CNTN4: variants seen among roughly 807,000 people sequenced by gnomAD.
CNTN4 encodes contactin-4.
CNTN4 carries 77 observed loss-of-function variants against 122.5 expected under a neutral mutation model. That is an observed-to-expected ratio of 0.63 (90% CI 0.52 to 0.76). CNTN4 has a LOEUF of 0.76. Among genes scored for constraint, CNTN4 ranks in the 30% least tolerant of loss-of-function variants. CNTN4 has a pLI of 0.00. For synonymous variants in CNTN4, 512 were observed against 447.0 expected, an observed-to-expected ratio of 1.15 and a Z score of -1.83; for missense variants, 1,256 against 1,259.1, an observed-to-expected ratio of 1.00 and a Z score of 0.04.
At chr3:2,315,429 T>C (rs866021268) in intron 2 of CNTN4, among the ~76,000 whole-genome samples, 19 of 152,170 alleles carry the variant, frequency 1.2e-4, no homozygotes, top group Middle Eastern at 6.8e-3. Flanking sequence ...AGGCACTTGG[T>C]AGGCGAAAAC....
chr3:2,675,609 T>C (rs2084800304), intron 4 of CNTN4, among the ~76,000 whole-genome samples: 1 of 152,198 alleles, frequency 6.6e-6, no homozygotes, highest in Non-Finnish European at 1.5e-5. Context: ...CCACTGTGTG[T>C]CCAGCTCTTA....
intron 2 of CNTN4, among the ~76,000 whole-genome samples, chr3:2,284,781 C>T (rs2041843670): frequency 6.6e-6 from 1 of 151,260 alleles, no homozygotes; most frequent in Non-Finnish European, 1.5e-5. Context: ...GGTGAGTAGA[C>T]TAAGAGTCAT....
intron 13 of CNTN4, among the ~76,000 whole-genome samples, chr3:2,974,178 G>T (rs1289903533): frequency 6.6e-6 from 1 of 152,096 alleles, no homozygotes; most frequent in East Asian, 1.9e-4. Flanking sequence ...TACCTAGCTG[G>T]AATATAATAC....
At chr3:2,466,924 C>A (rs2075516818) in intron 3 of CNTN4, among the ~76,000 whole-genome samples, 1 of 149,448 alleles carries the variant, frequency 6.7e-6, no homozygotes, top group South Asian at 2.1e-4. Flanking sequence ...CCTTAATCTT[C>A]ATTTCTTCGT....
At chr3:2,277,622 T>C (rs1411129722) in intron 2 of CNTN4, among the ~76,000 whole-genome samples, 1 of 152,228 alleles carries the variant, frequency 6.6e-6, no homozygotes, top group East Asian at 1.9e-4. Context: ...AACACATATA[T>C]GCATAACTAT....
At chr3:2,807,337 C>T (rs1356038165) in intron 6 of CNTN4, among the ~76,000 whole-genome samples, 1 of 151,988 alleles carries the variant, frequency 6.6e-6, no homozygotes, top group Non-Finnish European at 1.5e-5. Flanking sequence ...ACGTAGCTTG[C>T]GTGTATATTT....
chr3:3,016,316 C>T (rs1432073837), intron 14 of CNTN4, among the ~76,000 whole-genome samples: 1 of 152,086 alleles, frequency 6.6e-6, no homozygotes, highest in African/African-American at 2.4e-5. Context: ...CATATACCCC[C>T]CTTCCCTCTT....
At chr3:2,565,059 C>T (rs912725479) in intron 3 of CNTN4, among the ~76,000 whole-genome samples, 16 of 152,162 alleles carry the variant, frequency 1.1e-4, no homozygotes, top group South Asian at 1.0e-3. Flanking sequence ...TCCATCATTC[C>T]TCAAGGTCCT....
intron 4 of CNTN4, among the ~76,000 whole-genome samples, chr3:2,591,352 C>CTTT (rs71058629): frequency 0.012 from 419 of 36,382 alleles, 124 homozygotes; most frequent in African/African-American, 0.034. Flanking sequence ...AGATTTGTGA[C>CTTT]TTTTTTTTTT....
chr3:2,252,484 C>G (rs554781408), intron 2 of CNTN4, among the ~76,000 whole-genome samples: 1 of 151,994 alleles, frequency 6.6e-6, no homozygotes, highest in Non-Finnish European at 1.5e-5. Flanking sequence ...TTTTGCACTT[C>G]CATTGACTAT....
intron 7 of CNTN4, among the ~76,000 whole-genome samples, chr3:2,838,212 C>T (rs779313622): frequency 2.3e-4 from 35 of 152,194 alleles, no homozygotes; most frequent in East Asian, 5.8e-4. Context: ...AGCTTTCGTG[C>T]GGCTATACTG....
At chr3:3,029,808 TGTGA>T (rs1417972301) in intron 15 of CNTN4, among the ~76,000 whole-genome samples, 2 of 152,158 alleles carry the variant, frequency 1.3e-5, no homozygotes, top group African/African-American at 4.8e-5. Flanking sequence ...TCAGAGGACA[TGTGA>T]GTATTTAGTG....
chr3:2,423,950 GTTTTT>G (rs1559539765), intron 3 of CNTN4, among the ~76,000 whole-genome samples: 4 of 38,518 alleles, frequency 1.0e-4, no homozygotes, highest in Non-Finnish European at 1.4e-4. Context: ...GAGGGAGGGG[GTTTTT>G]TTTGATTAGG....
chr3:2,790,483 C>G (rs1176292824), intron 6 of CNTN4, among the ~76,000 whole-genome samples: 1 of 152,182 alleles, frequency 6.6e-6, no homozygotes, highest in Non-Finnish European at 1.5e-5. Flanking sequence ...CAGTCAAGCA[C>G]AGCAAAGTAA....
At chr3:2,760,754 G>GGGCT (rs2149687126) in intron 6 of CNTN4, among the ~76,000 whole-genome samples, 1 of 152,220 alleles carries the variant, frequency 6.6e-6, no homozygotes, top group South Asian at 2.1e-4. Context: ...AATAAATTCT[G>GGGCT]GGCTGTCTGA....
intron 6 of CNTN4, among the ~76,000 whole-genome samples, chr3:2,797,305 T>C (rs1036706297): frequency 1.3e-5 from 2 of 152,136 alleles, no homozygotes; most frequent in Non-Finnish European, 2.9e-5. Context: ...AGAATGTTAA[T>C]TTAGAAAGCT....
chr3:2,923,115 G>A (rs1223425348), intron 12 of CNTN4, among the ~76,000 whole-genome samples: 1 of 152,174 alleles, frequency 6.6e-6, no homozygotes, highest in Non-Finnish European at 1.5e-5. Context: ...ATATGCCCAT[G>A]TGTTGTGCAC....
intron 3 of CNTN4, among the ~76,000 whole-genome samples, chr3:2,569,262 T>C (rs1299911107): frequency 6.6e-6 from 1 of 152,190 alleles, no homozygotes; most frequent in Non-Finnish European, 1.5e-5. Context: ...TTCTGTTAGC[T>C]CCCTGGTAAA....
At chr3:2,842,886 T>C (rs1420790706) in intron 7 of CNTN4, among the ~76,000 whole-genome samples, 1 of 152,090 alleles carries the variant, frequency 6.6e-6, no homozygotes, top group Non-Finnish European at 1.5e-5. Context: ...TTCCCTGTCA[T>C]CTACTCATAT....
Sources: allele counts gnomAD v4.1 joint callset (sites outside exome capture counted in the v4.1 genomes callset), GRCh38; gene constraint gnomAD v4.1.1; transcripts MANE v1.5; gene names NCBI Gene and HGNC (gene_info 2026-07-23, HGNC 2026-07-21).